KCNIP4: variants seen among roughly 807,000 people sequenced by gnomAD.
KCNIP4 encodes the protein Kv channel-interacting protein 4.
A neutral mutation model predicts 34.0 loss-of-function variants in KCNIP4; 12 were observed. That is an observed-to-expected ratio of 0.35 (90% CI 0.23 to 0.57). KCNIP4 has a LOEUF of 0.57. Among genes scored for constraint, KCNIP4 ranks in the 20% least tolerant of loss-of-function variants. The pLI is 0.83. For synonymous variants in KCNIP4, 124 were observed against 102.2 expected, an observed-to-expected ratio of 1.21 and a Z score of -1.29; for missense variants, 238 against 311.7, an observed-to-expected ratio of 0.76 and a Z score of 1.78.
chr4:21,547,649 G>T (rs1335677264), intron 1 of KCNIP4, among the ~76,000 whole-genome samples: 4 of 152,008 alleles, frequency 2.6e-5, no homozygotes, highest in Non-Finnish European at 5.9e-5. Flanking sequence ...TTTGGGGAAG[G>T]CTACGATTTC....
intron 1 of KCNIP4, among the ~76,000 whole-genome samples, chr4:21,276,787 G>A (rs1762468441): frequency 6.6e-6 from 1 of 152,074 alleles, no homozygotes; most frequent in South Asian, 2.1e-4. Flanking sequence ...ATAGTTTTGG[G>A]CCAATGAGGT....
intron 2 of KCNIP4, among the ~76,000 whole-genome samples, chr4:20,864,239 T>C (rs13102954): frequency 4.2e-5 from 6 of 142,722 alleles, no homozygotes; most frequent in East Asian, 4.2e-4. Context: ...TATGTACACA[T>C]ATGTATGTAT....
At chr4:21,185,160 C>T (rs1577850589) in intron 1 of KCNIP4, among the ~76,000 whole-genome samples, 1 of 152,142 alleles carries the variant, frequency 6.6e-6, no homozygotes, top group Admixed American at 6.5e-5. Flanking sequence ...ATCTAATATT[C>T]AAATTGTGCT....
At chr4:21,349,637 T>C (rs7661530) in intron 1 of KCNIP4, among the ~76,000 whole-genome samples, 108,247 of 151,926 alleles carry the variant, frequency 0.71, 39,549 homozygotes, top group African/African-American at 0.87. Context: ...CAGTGACTAG[T>C]TATACCCCAA....
At chr4:21,948,236 GT>G (rs1730611252) in intron 1 of KCNIP4, among the ~76,000 whole-genome samples, 1 of 152,206 alleles carries the variant, frequency 6.6e-6, no homozygotes, top group African/African-American at 2.4e-5. Flanking sequence ...GAAGCGTGCG[GT>G]CTGGAGTCAT....
At chr4:21,464,163 A>G (rs1468722438) in intron 1 of KCNIP4, among the ~76,000 whole-genome samples, 1 of 151,934 alleles carries the variant, frequency 6.6e-6, no homozygotes, top group Non-Finnish European at 1.5e-5. Context: ...AGAACCAATT[A>G]GAATTGATTG....
rs149746361 is a variant in KCNIP4, at chr4:21,866,020, A to T, written c.61+82551T>A. Among the ~76,000 whole-genome samples the T allele has an allele frequency of 2.6e-5, 4 of 152,174 alleles. No homozygotes were observed. In the East Asian group the frequency reaches 7.7e-4, roughly 29 times the overall value. ...GACTTTGATGAACTTAATAAAAAAT[A>T]AATCTCAATACAAAAATAAATGCAA... On this transcript the variant is annotated intron_variant, in intron 1 of 8. Coordinates refer to ENST00000382152, the MANE Select transcript of KCNIP4 (RefSeq NM_025221.6).
At chr4:21,044,932 T>G (rs1742306405) in intron 1 of KCNIP4, among the ~76,000 whole-genome samples, 1 of 152,164 alleles carries the variant, frequency 6.6e-6, no homozygotes, top group African/African-American at 2.4e-5. Flanking sequence ...TCAGAATTAT[T>G]ATCACAATGC....
chr4:21,863,841 T>C (rs1192993355), intron 1 of KCNIP4, among the ~76,000 whole-genome samples: 1 of 152,238 alleles, frequency 6.6e-6, no homozygotes, highest in African/African-American at 2.4e-5. Context: ...AGCTGGCCTA[T>C]GAACATATTT....
At chr4:21,187,902 T>C (rs937989605) in intron 1 of KCNIP4, among the ~76,000 whole-genome samples, 6 of 152,166 alleles carry the variant, frequency 3.9e-5, no homozygotes, top group Non-Finnish European at 7.4e-5. Flanking sequence ...AACTGTACCC[T>C]TTACTAGACA....
At chr4:21,944,369 C>T (rs565625234) in intron 1 of KCNIP4, among the ~76,000 whole-genome samples, 3 of 151,662 alleles carry the variant, frequency 2.0e-5, no homozygotes, top group South Asian at 2.1e-4. Flanking sequence ...CGTGGTGAAA[C>T]GCCATCTCTA....
At chr4:21,577,656 AC>A (rs2109064213) in intron 1 of KCNIP4, among the ~76,000 whole-genome samples, 1 of 151,822 alleles carries the variant, frequency 6.6e-6, no homozygotes, top group African/African-American at 2.4e-5. Flanking sequence ...AAACAAACAA[AC>A]AAAAAACTGC....
intron 1 of KCNIP4, among the ~76,000 whole-genome samples, chr4:20,909,189 T>C (rs147993628): frequency 6.6e-6 from 1 of 152,360 alleles, no homozygotes; most frequent in African/African-American, 2.4e-5. Flanking sequence ...TATGAAATTG[T>C]TACTGGTGGT....
intron 1 of KCNIP4, among the ~76,000 whole-genome samples, chr4:21,223,264 G>T (rs560176954): frequency 6.6e-6 from 1 of 152,224 alleles, no homozygotes; most frequent in African/African-American, 2.4e-5. Context: ...TGAAGATAGA[G>T]GATAAGGCCA....
chr4:21,528,772 AAAGAAAGG>A (rs1560490167), intron 1 of KCNIP4, among the ~76,000 whole-genome samples: 10 of 11,320 alleles, frequency 8.8e-4, no homozygotes, highest in South Asian at 4.5e-3. Flanking sequence ...AGAAAGAAAG[AAAGAAAGG>A]AAGAAAGGAA....
At chr4:21,136,952 T>C (rs1222313801) in intron 1 of KCNIP4, among the ~76,000 whole-genome samples, 1 of 152,126 alleles carries the variant, frequency 6.6e-6, no homozygotes, top group African/African-American at 2.4e-5. Context: ...GCTGCCTCCA[T>C]GCTCTGCCCA....
At chr4:21,618,504 G>A (rs1277603901) in intron 1 of KCNIP4, among the ~76,000 whole-genome samples, 1 of 150,968 alleles carries the variant, frequency 6.6e-6, no homozygotes, top group African/African-American at 2.4e-5. Context: ...TTGGAGAGTG[G>A]ATCATTCTTT....
intron 1 of KCNIP4, among the ~76,000 whole-genome samples, chr4:21,471,776 G>T (rs1371929990): frequency 6.6e-6 from 1 of 152,136 alleles, no homozygotes; most frequent in Non-Finnish European, 1.5e-5. Context: ...GATTCAAAAA[G>T]AATTCCTCCA....
At chr4:21,486,772 AT>A (rs1244330847) in intron 1 of KCNIP4, among the ~76,000 whole-genome samples, 1 of 152,120 alleles carries the variant, frequency 6.6e-6, no homozygotes, top group Non-Finnish European at 1.5e-5. Context: ...AACATTTTAT[AT>A]TGCTATGGCA....
Sources: gnomAD v4.1 joint callset for allele counts (sites outside exome capture counted in the v4.1 genomes callset) on GRCh38, gnomAD v4.1.1 for gene constraint, MANE v1.5 for transcripts, NCBI Gene and HGNC (gene_info 2026-07-23, HGNC 2026-07-21) for gene names.